SBK2: variants seen among roughly 807,000 people sequenced by gnomAD.
SBK2 encodes serine/threonine-protein kinase SBK2.
Under a neutral mutation model 15.9 loss-of-function variants are expected in SBK2, and 18 were observed. That is an observed-to-expected ratio of 1.13 (90% confidence interval 0.78 to 1.68). SBK2 has a LOEUF of 1.68. Among genes scored for constraint, SBK2 ranks in the 40% most tolerant of loss-of-function variants. The pLI is 0.00. For synonymous variants in SBK2, 284 were observed against 246.8 expected, an observed-to-expected ratio of 1.15 and a Z score of -1.41; for missense variants, 581 against 510.9, an observed-to-expected ratio of 1.14 and a Z score of -1.32.
rs771109337 is a variant in SBK2, at chr19:55,528,862, A to AC, written c.*870dup. ...TGTCAGCAGACGGAAGGCGGCAAAG[A>AC]CCCCCGACTCCAGGAGCTCACAAAA... On this transcript the variant is annotated 3_prime_UTR_variant, in exon 4 of 4. Transcript: ENST00000413299. Among the ~76,000 whole-genome samples, 299 of 152,020 alleles carry AC rather than the reference A, an allele frequency of 2.0e-3. 1 individual carries two copies. Among genetic ancestry groups the AC allele is most frequent in the Non-Finnish European group, 3.6e-3 (247 of 67,954 alleles).
rs563318666 is a variant in SBK2 at position 55,530,072 on chromosome 19, C to T, written c.708G>A (p.Glu236=). The change falls in exon 4 of 4, where the codon GAG becomes GAA. Residue 236 remains glutamate (E), a synonymous_variant. Coordinates refer to ENST00000413299, the MANE Select transcript of SBK2 (RefSeq NM_001370096.2). ...CCAGGGCGGGCTGAATGGGCAGGCC[C>T]TCGGGGAGCGGCGGGGGCGCGCAGA... The part of the protein sequence containing the change: ...PELCAPPPLP[E]GLPIQPALDA... 1.2e-3 allele frequency: 1,811 copies of T among 1,448,968 alleles called. 21 individuals are homozygous for T. In the African/African-American group the frequency reaches 0.024, roughly 19 times the overall value. 89.8% of individuals were successfully genotyped at this position (1,448,968 alleles called of 1,614,324 possible).
rs1568493332 is a variant in SBK2 at position 55,536,182 on chromosome 19, G to A, written c.113C>T (p.Ala38Val). 1.9e-6 allele frequency: 3 copies of A among 1,606,940 alleles called. No homozygotes were observed. Among genetic ancestry groups the A allele is most frequent in the African/African-American group, 1.3e-5 (1 of 74,712 alleles). Reference protein sequence around the residue: ...TLEELQQGQEAARALEDMMTL... With the variant: ...TLEELQQGQEVARALEDMMTL... ...CATCATGTCCTCCAGCGCGCGGGCA[G>A]CCTCCTGGCCCTGCTGGAGCTCCTC... Residue 38 changes from alanine to valine, a missense_variant, in exon 2 of 4, where the codon GCT (alanine) becomes GTT (valine). Coordinates refer to ENST00000413299, the MANE Select transcript of SBK2 (RefSeq NM_001370096.2).
In SBK2 at chr19:55,529,699, G is replaced by A. The variant is rs1988192005; in HGVS notation, c.*34C>T. ...CGTTGGCCTTGGGGGCCTCGGGTGG[G>A]GCGGCTTCCCTTTCTGCATCCCCCG... On this transcript the variant is annotated 3_prime_UTR_variant, in exon 4 of 4. Transcript: ENST00000413299. 1 of 1,588,468 alleles carries A rather than the reference G, an allele frequency of 6.3e-7. No individual in the cohort carries two copies. The highest frequency in any genetic ancestry group is 2.2e-5 in the East Asian group (1 of 44,534).
At chr19:55,536,559 C>T (rs1350837590) in intron 1 of SBK2, among the ~76,000 whole-genome samples, 1 of 151,488 alleles carries the variant, frequency 6.6e-6, no homozygotes, top group Non-Finnish European at 1.5e-5. Flanking sequence ...AACTGAGACT[C>T]CCCCATCTTG....
intron 1 of SBK2, 67 bp from the exon 2 acceptor site, chr19:55,536,363 T>C: frequency 7.4e-7 from 1 of 1,352,882 alleles, no homozygotes; most frequent in East Asian, 2.9e-5. Flanking sequence ...ACTGGGGGTC[T>C]GGACTCCTGG....
chr19:55,529,625 G>T lies in SBK2; in HGVS notation c.*108C>A. 7.0e-7 allele frequency: 1 copy of T among 1,423,594 alleles called. No individual in the cohort carries two copies. 88.2% of individuals were successfully genotyped at this position (1,423,594 alleles called of 1,614,324 possible). A position where few individuals can be genotyped will look rare whatever the true frequency, so the allele number is the denominator to read the frequency against. On this transcript the variant is annotated 3_prime_UTR_variant, in exon 4 of 4. Transcript: ENST00000413299. The stretch of plus-strand genomic sequence containing the variant: ...AGGAGAGAGGAGGAGGACGCCGAGG[G>T]GAATCCCAAGCCCCATGGATGAAAA...
intron 2 of SBK2, among the ~76,000 whole-genome samples, chr19:55,533,683 A>G (rs1327821236): frequency 4.2e-5 from 2 of 47,090 alleles, no homozygotes; most frequent in Non-Finnish European, 1.6e-4. Context: ...AAAAAAAAAA[A>G]AAAAAAAAAA....
rs1398884625 is a variant in SBK2, at chr19:55,537,080, GGCC to G, written c.-32_-30del. 6.5e-6 allele frequency: 1 copy of G among 152,864 alleles called. No homozygotes were observed. Among genetic ancestry groups the G allele is most frequent in the Non-Finnish European group, 1.5e-5 (1 of 68,644 alleles). 9.5% of individuals were successfully genotyped at this position (152,864 alleles called of 1,614,324 possible). ...TCCTCCAAGGCCCTCCTGACCCTCC[GGCC>G]GCCGGCTGTGGTCAGTGCCCGGCAC... On this transcript the variant is annotated 5_prime_UTR_variant, in exon 1 of 4. Transcript: ENST00000413299.
chr19:55,532,853 C>T (rs1200059725), intron 2 of SBK2, among the ~76,000 whole-genome samples: 2 of 151,942 alleles, frequency 1.3e-5, no homozygotes, highest in African/African-American at 2.4e-5. Flanking sequence ...GAGACGGTCT[C>T]GCTATGTTGC....
At position 55,529,259 on chromosome 19, in the gene SBK2, G is replaced by A. The variant is rs1988181559; in HGVS notation, c.*474C>T. ...AAAAAGTTAAAAATTAGCCTAGCGT[G>A]GTGGCGCATGCCTGTAGTCCCAGCT... On this transcript the variant is annotated 3_prime_UTR_variant, in exon 4 of 4. Coordinates refer to ENST00000413299, the MANE Select transcript of SBK2 (RefSeq NM_001370096.2). Among the ~76,000 whole-genome samples, 1 of 152,170 alleles carries A rather than the reference G, an allele frequency of 6.6e-6. No individual in the cohort carries two copies. Among genetic ancestry groups the A allele is most frequent in the Non-Finnish European group, 1.5e-5 (1 of 68,040 alleles).
chr19:55,529,787 C>T lies in SBK2; in HGVS notation c.993G>A (p.Gln331=). 6.2e-7 allele frequency: 1 copy of T among 1,604,216 alleles called. No homozygotes were observed. The highest frequency in any genetic ancestry group is 8.5e-7 in the Non-Finnish European group (1 of 1,179,724). Residue 331 remains glutamine, a synonymous_variant, in exon 4 of 4, where the codon CAG becomes CAA. Transcript: ENST00000413299. ...IREHLGRPWR[Q]REGEAEAVGA... is the part of the protein sequence containing the mutation. ...CCACTGCCTCCGCCTCGCCCTCCCG[C>T]TGCCTCCAGGGGCGCCCCAGGTGCT...
chr19:55,534,146 AC>A (rs552530031), intron 2 of SBK2, among the ~76,000 whole-genome samples: 47 of 151,832 alleles, frequency 3.1e-4, no homozygotes, highest in Non-Finnish European at 6.0e-4. Flanking sequence ...GGGAGTCCTA[AC>A]CCCCCCAGTG....
chr19:55,536,186 C>T lies in SBK2; in HGVS notation c.109G>A (p.Glu37Lys). 6.2e-7 allele frequency: 1 copy of T among 1,607,614 alleles called. No homozygotes were observed. Among genetic ancestry groups the T allele is most frequent in the Non-Finnish European group, 8.5e-7 (1 of 1,177,424 alleles). Reference sequence around the variant, plus strand: ...ATGTCCTCCAGCGCGCGGGCAGCCTCCTGGCCCTGCTGGAGCTCCTCTAAT... The same window carrying T: ...ATGTCCTCCAGCGCGCGGGCAGCCTTCTGGCCCTGCTGGAGCTCCTCTAAT... ...LTLEELQQGQ[E>K]AARALEDMMT... The change falls in exon 2 of 4, where the codon GAG (glutamate) becomes AAG (lysine). Residue 37 changes from glutamate to lysine, a missense_variant. Glu to Lys is a moderately conservative substitution (Grantham distance 56). Transcript: ENST00000413299.
intron 1 of SBK2, among the ~76,000 whole-genome samples, chr19:55,536,518 G>A (rs760314510): frequency 8.4e-5 from 12 of 143,314 alleles, no homozygotes; most frequent in Non-Finnish European, 1.7e-4. Flanking sequence ...GCCGCCACCC[G>A]CCCACCCTGA....
chr19:55,536,021 T>C, intron 2 of SBK2, 21 bp downstream of exon 2: 1 of 1,423,736 alleles, frequency 7.0e-7, no homozygotes, highest in Non-Finnish European at 9.3e-7. Context: ...CCCTGCCACC[T>C]CTGGCCCCAC....
chr19:55,535,541 G>C (rs1347402585), intron 2 of SBK2, among the ~76,000 whole-genome samples: 3 of 152,188 alleles, frequency 2.0e-5, no homozygotes, highest in Non-Finnish European at 4.4e-5. Context: ...AAAGGAGGAA[G>C]CTGAGACTCA....
chr19:55,533,698 A>AAAAAAT lies in SBK2; in HGVS notation c.253+2343_253+2344insATTTTT, dbSNP rs1568492522. 2.9e-5 allele frequency among the ~76,000 whole-genome samples: 2 copies of AAAAAAT among 69,574 alleles called. 1 individual carries two copies. Among genetic ancestry groups the AAAAAAT allele is most frequent in the African/African-American group, 1.2e-4 (2 of 16,182 alleles). 45.6% of individuals were successfully genotyped at this position (69,574 alleles called of 152,430 possible). ...AAAAAAAAAAAAAAAAAAAAAAAAA[A>AAAAAAT]GAAAAAGTTCCTTCCTTATCAAAAA... On this transcript the variant is annotated intron_variant, in intron 2 of 3. Coordinates refer to ENST00000413299, the MANE Select transcript of SBK2 (RefSeq NM_001370096.2).
At position 55,530,319 on chromosome 19, in the gene SBK2, C is replaced by A; in HGVS notation, c.461G>T (p.Gly154Val). 1 of 1,404,214 alleles carries A rather than the reference C, an allele frequency of 7.1e-7. No individual in the cohort carries two copies. The highest frequency in any genetic ancestry group is 9.3e-7 in the Non-Finnish European group (1 of 1,080,784). 87.0% of individuals were successfully genotyped at this position (1,404,214 alleles called of 1,614,324 possible). Residue 154 changes from glycine to valine, a missense_variant, in exon 4 of 4, where the codon GGC becomes GTC. Coordinates refer to ENST00000413299, the MANE Select transcript of SBK2 (RefSeq NM_001370096.2). ...DLMAFIQPKV[G>V]LPQPAVHRCA... ...GCGGTGCACCGCGGGCTGCGGGAGG[C>A]CCACCTGCGGGGAGAGGGGTCAGGG... is the stretch of plus-strand genomic sequence containing the variant.
chr19:55,529,955 C>A lies in SBK2; in HGVS notation c.825G>T (p.Glu275Asp), dbSNP rs1000427906. 3 of 1,532,670 alleles carry A rather than the reference C, an allele frequency of 2.0e-6. No homozygotes were observed. Among genetic ancestry groups the A allele is most frequent in the African/African-American group, 2.8e-5 (2 of 71,698 alleles). 94.9% of individuals were successfully genotyped at this position (1,532,670 alleles called of 1,614,324 possible). Residue 275 changes from glutamate (E) to aspartate (D), a missense_variant, in exon 4 of 4, where the codon GAG becomes GAT. Physicochemically the swap from Glu to Asp is conservative, Grantham distance 45. Transcript: ENST00000413299. Reference protein sequence around the residue: ...RPLAEADPFYEDFLIWQASGQ... With the variant: ...RPLAEADPFYDDFLIWQASGQ... ...CCGACGCCTGCCAGATGAGGAAGTC[C>A]TCGTAGAAGGGGTCGGCCTCGGCCA... is the stretch of plus-strand genomic sequence containing the variant.
Sources: allele counts gnomAD v4.1 joint callset (sites outside exome capture counted in the v4.1 genomes callset), GRCh38; gene constraint gnomAD v4.1.1; transcripts MANE v1.5; gene names NCBI Gene and HGNC (gene_info 2026-07-23, HGNC 2026-07-21).